MACROD2: variants seen among roughly 807,000 people sequenced by gnomAD.
MACROD2 encodes ADP-ribose glycohydrolase MACROD2.
In MACROD2, 36 loss-of-function variants were observed where a neutral mutation model predicts 70.4. That is an observed-to-expected ratio of 0.51 (90% CI 0.39 to 0.68). The LOEUF (loss-of-function observed/expected upper bound fraction) is 0.68, where lower values mean the gene tolerates loss of function less well. Among genes scored for constraint, MACROD2 ranks in the 30% least tolerant of loss-of-function variants. MACROD2 has a pLI of 0.00. For synonymous variants in MACROD2, 172 were observed against 178.8 expected, an observed-to-expected ratio of 0.96 and a Z score of 0.30; for missense variants, 496 against 538.4, an observed-to-expected ratio of 0.92 and a Z score of 0.78.
At chr20:15,939,937 G>A (rs1237263525) in intron 12 of MACROD2, among the ~76,000 whole-genome samples, 1 of 152,110 alleles carries the variant, frequency 6.6e-6, no homozygotes, top group Non-Finnish European at 1.5e-5. Flanking sequence ...AATGTCAAGA[G>A]AACTAGAAGT....
chr20:14,924,606 G>A (rs1015648891), intron 5 of MACROD2, among the ~76,000 whole-genome samples: 2 of 152,100 alleles, frequency 1.3e-5, no homozygotes, highest in South Asian at 4.1e-4. Flanking sequence ...GTATAGATAA[G>A]CAGAGTAAAC....
intron 8 of MACROD2, among the ~76,000 whole-genome samples, chr20:15,794,533 T>C (rs887253128): frequency 3.3e-5 from 5 of 152,210 alleles, no homozygotes; most frequent in African/African-American, 9.6e-5. Flanking sequence ...TTGTTTTCCA[T>C]ACCAAGACCA....
intron 3 of MACROD2, among the ~76,000 whole-genome samples, chr20:14,190,017 T>G (rs1332293117): frequency 6.6e-6 from 1 of 152,162 alleles, no homozygotes; most frequent in Non-Finnish European, 1.5e-5. Context: ...TTAAGGAATT[T>G]CATACACAAC....
chr20:15,237,567 T>C (rs979033562), intron 6 of MACROD2, among the ~76,000 whole-genome samples: 8 of 152,154 alleles, frequency 5.3e-5, no homozygotes, highest in African/African-American at 1.7e-4. Flanking sequence ...GAACAGACCC[T>C]GAGCCAAGGT....
At chr20:15,752,319 G>T (rs1216577048) in intron 8 of MACROD2, among the ~76,000 whole-genome samples, 3 of 151,402 alleles carry the variant, frequency 2.0e-5, no homozygotes, top group Admixed American at 1.3e-4. Flanking sequence ...TTATTATTTT[G>T]CAGGGGAGAA....
At chr20:14,215,782 CAT>C (rs1210030922) in intron 3 of MACROD2, among the ~76,000 whole-genome samples, 2 of 152,076 alleles carry the variant, frequency 1.3e-5, no homozygotes, top group Non-Finnish European at 2.9e-5. Context: ...AGCATTTTTT[CAT>C]ATGTTTGTTG....
rs140161460 is a variant in MACROD2, at chr20:15,251,867, T to C, written c.540+21806T>C. 2.8e-3 allele frequency among the ~76,000 whole-genome samples: 426 copies of C among 152,336 alleles called. 1 individual carries two copies. Among genetic ancestry groups the C allele is most frequent in the African/African-American group, 9.9e-3 (413 of 41,586 alleles). On this transcript the variant is annotated intron_variant, in intron 6 of 17. Coordinates refer to ENST00000684519, the MANE Select transcript of MACROD2 (RefSeq NM_001351661.2). ...CACACAGTTAATTAATGTTTCTGAATTGCTACTGTTTGAAGTTGATAAGCC... is the reference window on the plus strand; with the variant it reads ...CACACAGTTAATTAATGTTTCTGAACTGCTACTGTTTGAAGTTGATAAGCC...
intron 3 of MACROD2, among the ~76,000 whole-genome samples, chr20:14,094,385 C>T (rs1053751079): frequency 1.3e-5 from 2 of 152,168 alleles, no homozygotes; most frequent in Non-Finnish European, 2.9e-5. Context: ...CTTGAATTCT[C>T]AATTTGTACA....
At chr20:14,299,155 A>G (rs1292033200) in intron 3 of MACROD2, among the ~76,000 whole-genome samples, 2 of 152,234 alleles carry the variant, frequency 1.3e-5, no homozygotes, top group African/African-American at 2.4e-5. Context: ...GGAGGAGTCA[A>G]TTAATACAGA....
At chr20:15,639,647 A>C (rs1268629574) in intron 8 of MACROD2, among the ~76,000 whole-genome samples, 1 of 152,174 alleles carries the variant, frequency 6.6e-6, no homozygotes, top group African/African-American at 2.4e-5. Context: ...CCAGCCCTGA[A>C]GTATCTCTCC....
chr20:14,128,097 A>T, intron 3 of MACROD2: 1 of 549,278 alleles, frequency 1.8e-6, no homozygotes, highest in African/African-American at 1.9e-5. Context: ...AGCAGTGGTC[A>T]TGTGTGCTTG....
chr20:14,959,536 A>G (rs143911400), intron 5 of MACROD2, among the ~76,000 whole-genome samples: 1 of 151,890 alleles, frequency 6.6e-6, no homozygotes, highest in East Asian at 1.9e-4. Flanking sequence ...ATACAAGCAA[A>G]CCAACCAACA....
At chr20:15,359,368 C>T (rs1461864437) in intron 6 of MACROD2, among the ~76,000 whole-genome samples, 1 of 151,716 alleles carries the variant, frequency 6.6e-6, no homozygotes, top group African/African-American at 2.4e-5. Flanking sequence ...TCTTGGCCAT[C>T]TAGGAGAATC....
intron 3 of MACROD2, among the ~76,000 whole-genome samples, chr20:14,196,942 T>C (rs1410887516): frequency 6.6e-6 from 1 of 152,232 alleles, no homozygotes; most frequent in Non-Finnish European, 1.5e-5. Flanking sequence ...TCAGATGCTC[T>C]CATTGTAATC....
chr20:14,696,294 T>A (rs1032841570), intron 5 of MACROD2, among the ~76,000 whole-genome samples: 1 of 152,180 alleles, frequency 6.6e-6, no homozygotes, highest in Non-Finnish European at 1.5e-5. Flanking sequence ...AATATCTACC[T>A]ACTCCTGTTA....
chr20:14,453,926 T>G (rs2084271503), intron 3 of MACROD2, among the ~76,000 whole-genome samples: 1 of 151,880 alleles, frequency 6.6e-6, no homozygotes, highest in Non-Finnish European at 1.5e-5. Context: ...GAAAGAGTTT[T>G]CATACCTTAA....
At chr20:14,061,721 A>G (rs2053693001) in intron 2 of MACROD2, among the ~76,000 whole-genome samples, 1 of 152,196 alleles carries the variant, frequency 6.6e-6, no homozygotes. Flanking sequence ...TCTTAAGCAT[A>G]GCTGTAGTTA....
chr20:15,803,084 A>G (rs1262923923), intron 8 of MACROD2, among the ~76,000 whole-genome samples: 3 of 152,154 alleles, frequency 2.0e-5, no homozygotes, highest in Non-Finnish European at 4.4e-5. Flanking sequence ...CCAAAGTTAT[A>G]AAGAAAACTA....
intron 4 of MACROD2, among the ~76,000 whole-genome samples, chr20:14,602,914 C>T (rs1982585509): frequency 6.6e-6 from 1 of 152,122 alleles, no homozygotes; most frequent in African/African-American, 2.4e-5. Flanking sequence ...GTCCCTCTGA[C>T]CTAATGGGAA....
Sources: gnomAD v4.1 joint callset for allele counts (sites outside exome capture counted in the v4.1 genomes callset) on GRCh38, gnomAD v4.1.1 for gene constraint, MANE v1.5 for transcripts, NCBI Gene and HGNC (gene_info 2026-07-23, HGNC 2026-07-21) for gene names.